The following C6orf118 variants were observed in gnomAD, a reference collection of about 807,000 sequenced individuals.
C6orf118 encodes chromosome 6 open reading frame 118.
C6orf118 carries 50 observed loss-of-function variants against 50.2 expected under a neutral mutation model. The observed-to-expected ratio is 1.00, with a 90% confidence interval of 0.79 to 1.26. The LOEUF (loss-of-function observed/expected upper bound fraction) is 1.26, where lower values mean the gene tolerates loss of function less well. Ranked by LOEUF, C6orf118 falls within the 50% of genes most tolerant of loss-of-function variation. C6orf118 has a pLI of 0.00. For missense variants in C6orf118, 641 were observed against 578.7 expected (o/e 1.11, Z -1.10); for synonymous variants, 239 against 230.9 (o/e 1.03, Z -0.32).
At chr6:165,303,265 T>C (rs1484009853) in intron 1 of C6orf118, among the ~76,000 whole-genome samples, 1 of 152,172 alleles carries the variant, frequency 6.6e-6, no homozygotes, top group Non-Finnish European at 1.5e-5. Flanking sequence ...GCTTAGTCCT[T>C]CAGAGCAACC....
chr6:165,280,340 T>C (rs1317453223), intron 8 of C6orf118, among the ~76,000 whole-genome samples: 5 of 152,230 alleles, frequency 3.3e-5, no homozygotes, highest in African/African-American at 1.2e-4. Flanking sequence ...TAGTGTGGCA[T>C]GGGAAGTAGG....
intron 7 of C6orf118, 142 bp downstream of exon 7, chr6:165,289,744 A>G (rs1168653792): frequency 2.1e-6 from 1 of 470,702 alleles, no homozygotes; most frequent in African/African-American, 2.0e-5. Flanking sequence ...ATTATTTGCT[A>G]CAAACATTTT....
At chr6:165,308,148 T>C (rs960518767) in intron 1 of C6orf118, among the ~76,000 whole-genome samples, 2 of 152,106 alleles carry the variant, frequency 1.3e-5, no homozygotes, top group African/African-American at 4.8e-5. Flanking sequence ...GGGTGAAATG[T>C]GGAAGCAGAA....
chr6:165,293,542 C>T, intron 5 of C6orf118, 71 bp from the exon 6 acceptor site: 2 of 1,229,044 alleles, frequency 1.6e-6, no homozygotes, highest in Admixed American at 1.9e-5. Flanking sequence ...GTCTGGGTTA[C>T]ACCACAAGTC....
Position 165,309,562 on chromosome 6 carries a change from A to G in C6orf118, c.25T>C (p.Leu9=), listed in dbSNP as rs1466165525. The change falls in exon 1 of 9, where the codon TTG becomes CTG. Residue 9 remains leucine (L), a splice_region_variant and synonymous_variant. Transcript: ENST00000230301. ...GCAAGAGCCGCTCCAGGCCACTTAC[A>G]TTCAGGCTCCCGCTCCTCCGCCATC... is the stretch of plus-strand genomic sequence containing the variant. The part of the protein sequence containing the change: MAEEREPE[L]YLKWKHCETP... 3 of 1,614,174 alleles carry G rather than the reference A, an allele frequency of 1.9e-6. No individual in the cohort carries two copies. In the Admixed American group the frequency reaches 5.0e-5, roughly 27 times the overall value.
At chr6:165,288,159 G>A (rs1167826347) in intron 7 of C6orf118, among the ~76,000 whole-genome samples, 1 of 152,008 alleles carries the variant, frequency 6.6e-6, no homozygotes, top group Non-Finnish European at 1.5e-5. Flanking sequence ...ACATACATGT[G>A]GCCAACAAGC....
At position 165,302,265 on chromosome 6, in the gene C6orf118, T is replaced by C. The variant is rs1204119088; in HGVS notation, c.57A>G (p.Pro19=). Reference sequence around the variant, plus strand: ...TCAGATTACACAGGGTCTTCACGCCTGGCGTCTCGCAGTGCTTCCACTTCA... The same window carrying C: ...TCAGATTACACAGGGTCTTCACGCCCGGCGTCTCGCAGTGCTTCCACTTCA... ...LYLKWKHCET[P]GVKTLCNLKH... The change falls in exon 2 of 9, where the codon CCA becomes CCG. Residue 19 remains proline (P), a synonymous_variant. Transcript: ENST00000230301. 1.2e-6 allele frequency: 2 copies of C among 1,613,676 alleles called. No individual in the cohort carries two copies. Among genetic ancestry groups the C allele is most frequent in the Non-Finnish European group, 1.7e-6 (2 of 1,180,006 alleles).
intron 5 of C6orf118, 37 bp from the exon 6 acceptor site, chr6:165,293,508 T>C (rs1780180533): frequency 6.4e-7 from 1 of 1,557,116 alleles, no homozygotes; most frequent in African/African-American, 1.4e-5. Context: ...AAATATTAGA[T>C]CCCCATTATA....
intron 1 of C6orf118, among the ~76,000 whole-genome samples, chr6:165,308,468 C>A (rs564704777): frequency 6.6e-6 from 1 of 152,244 alleles, no homozygotes; most frequent in East Asian, 1.9e-4. Context: ...ACCCACAATT[C>A]CCCCACCACA....
chr6:165,299,417 T>A, intron 4 of C6orf118, 26 bp downstream of exon 4: 2 of 1,610,680 alleles, frequency 1.2e-6, no homozygotes, highest in Non-Finnish European at 1.7e-6. Flanking sequence ...CAGGCTCTAT[T>A]CAGGCTCTTT....
In C6orf118 at chr6:165,301,750, C is replaced by G. The variant is rs1247597320; in HGVS notation, c.572G>C (p.Gly191Ala). The change falls in exon 2 of 9, where the codon GGG (glycine) becomes GCG (alanine). Residue 191 changes from glycine to alanine, a missense_variant. Gly to Ala is a moderately conservative substitution (Grantham distance 60). Transcript: ENST00000230301. ...DLKVLCYQEAGSRGTRDRHHY... is the reference protein window; with the variant it reads ...DLKVLCYQEAASRGTRDRHHY... Reference sequence around the variant, plus strand: ...GTGCCGGTCCCTGGTGCCTCTGGACCCGGCCTCCTGGTAGCACAGCACCTT... The same window carrying G: ...GTGCCGGTCCCTGGTGCCTCTGGACGCGGCCTCCTGGTAGCACAGCACCTT... 6.2e-7 allele frequency: 1 copy of G among 1,613,968 alleles called. No individual in the cohort carries two copies. Among genetic ancestry groups the G allele is most frequent in the African/African-American group, 1.3e-5 (1 of 74,906 alleles).
In C6orf118 at chr6:165,301,822, C is replaced by A. The variant is rs1780554132; in HGVS notation, c.500G>T (p.Gly167Val). 1 of 1,613,774 alleles carries A rather than the reference C, an allele frequency of 6.2e-7. No individual in the cohort carries two copies. The highest frequency in any genetic ancestry group is 1.3e-5 in the African/African-American group (1 of 74,902). The part of the protein sequence containing the change: ...EEKKGGPPGR[G>V]PPGWRRREEL... ...TTCCCTCCTGCGCCATCCAGGAGGG[C>A]CCCGTCCAGGAGGGCCTCCTTTCTT... Residue 167 changes from glycine (G) to valine (V), a missense_variant, in exon 2 of 9, where the codon GGC (glycine) becomes GTC (valine). By Grantham distance (109) the Gly-to-Val change is moderately radical. Coordinates refer to ENST00000230301, the MANE Select transcript of C6orf118 (RefSeq NM_144980.4).
At chr6:165,280,770 C>A (rs1779701999) in intron 8 of C6orf118, among the ~76,000 whole-genome samples, 1 of 152,168 alleles carries the variant, frequency 6.6e-6, no homozygotes, top group African/African-American at 2.4e-5. Flanking sequence ...CCAGTTAATG[C>A]CTGAAGGCAG....
At chr6:165,281,744 T>C in intron 7 of C6orf118, 51 bp from the exon 8 acceptor site, 1 of 1,181,082 alleles carries the variant, frequency 8.5e-7, no homozygotes, top group Non-Finnish European at 1.2e-6. Flanking sequence ...AAATATTTGT[T>C]AATTATTTTT....
At chr6:165,302,457 G>A (rs1049470450) in intron 1 of C6orf118, among the ~76,000 whole-genome samples, 161 bp from the exon 2 acceptor site, 5 of 152,136 alleles carry the variant, frequency 3.3e-5, no homozygotes, top group East Asian at 1.9e-4. Flanking sequence ...AAAGGCACCC[G>A]TGCCCGGCCC....
In C6orf118 at chr6:165,280,108, C is replaced by T. The variant is rs763884805; in HGVS notation, c.1359G>A (p.Gly453=). Residue 453 remains glycine (G), a splice_region_variant and synonymous_variant, in exon 9 of 9, where the codon GGG becomes GGA. Coordinates refer to ENST00000230301, the MANE Select transcript of C6orf118 (RefSeq NM_144980.4). ...ENMILKKKIK[G]PLEIYQGICK... ...AAATTCCTTGATAAATTTCCAAAGGCCCCTTAAAATACATAAGAAATGAAT... is the reference window on the plus strand; with the variant it reads ...AAATTCCTTGATAAATTTCCAAAGGTCCCTTAAAATACATAAGAAATGAAT... The T allele has an allele frequency of 9.4e-6, 15 of 1,604,020 alleles. No homozygotes were observed. In the South Asian group the frequency reaches 1.2e-4, roughly 13 times the overall value.
intron 7 of C6orf118, among the ~76,000 whole-genome samples, chr6:165,283,664 C>T (rs1194665710): frequency 2.0e-5 from 3 of 152,158 alleles, no homozygotes; most frequent in Admixed American, 6.5e-5. Context: ...CTGACACCTC[C>T]GGGTGCTAGA....
chr6:165,295,635 A>T (rs1780264591), intron 5 of C6orf118, among the ~76,000 whole-genome samples: 1 of 129,200 alleles, frequency 7.7e-6, no homozygotes, highest in African/African-American at 3.4e-5. Flanking sequence ...ATACTATTTT[A>T]TTATTGATTT....
In C6orf118 at chr6:165,307,104, C is replaced by A. The variant is rs1040918900; in HGVS notation, c.25+2458G>T. On this transcript the variant is annotated intron_variant, in intron 1 of 8. Coordinates refer to ENST00000230301, the MANE Select transcript of C6orf118 (RefSeq NM_144980.4). Reference sequence around the variant, plus strand: ...TGAATAGGAACATGTAGTAATAGGTCTTAGGCTACATTTGGGTTAATACAT... The same window carrying A: ...TGAATAGGAACATGTAGTAATAGGTATTAGGCTACATTTGGGTTAATACAT... 2.0e-5 allele frequency among the ~76,000 whole-genome samples: 3 copies of A among 152,190 alleles called. No homozygotes were observed. The East Asian group carries it at 5.8e-4, about 29-fold the overall frequency.
Sources: gnomAD v4.1 joint callset for allele counts (sites outside exome capture counted in the v4.1 genomes callset) on GRCh38, gnomAD v4.1.1 for gene constraint, MANE v1.5 for transcripts, NCBI Gene and HGNC (gene_info 2026-07-23, HGNC 2026-07-21) for gene names.